The following KLHL1 variants were observed in gnomAD, a reference collection of about 807,000 sequenced individuals.
KLHL1 encodes the protein kelch like family member 1, also known as kelch-like protein 1.
A neutral mutation model predicts 77.7 loss-of-function variants in KLHL1; 47 were observed. That is an observed-to-expected ratio of 0.60 (90% CI 0.48 to 0.77). KLHL1 has a LOEUF of 0.77. Ranked by LOEUF, KLHL1 falls within the 30% of genes least tolerant of loss-of-function variation. The pLI, the probability that KLHL1 is intolerant of heterozygous loss-of-function variation, is 0.00. For synonymous variants in KLHL1, 360 were observed against 325.2 expected (o/e 1.11, Z -1.15); for missense variants, 925 against 910.8 (o/e 1.02, Z -0.20).
chr13:69,727,471 A>G (rs758144398), intron 8 of KLHL1, among the ~76,000 whole-genome samples: 9 of 152,124 alleles, frequency 5.9e-5, no homozygotes, highest in Non-Finnish European at 1.3e-4. Context: ...TGAAAAGGCA[A>G]AGGGGTGTGG....
In KLHL1 at chr13:69,831,370, A is replaced by C. The variant is rs1878755283; in HGVS notation, c.1414+7606T>G. ...AGCAGATTTGGATAAATTCCTGGAA[A>C]TATACCACTGTCCTATATTAAACCA... On this transcript the variant is annotated intron_variant, in intron 6 of 10. Transcript: ENST00000377844. Among the ~76,000 whole-genome samples, 2 of 150,110 alleles carry C rather than the reference A, an allele frequency of 1.3e-5. 1 individual carries two copies. The highest frequency in any genetic ancestry group is 3.0e-5 in the Non-Finnish European group (2 of 67,762).
chr13:69,805,689 A>G (rs1458987084), intron 6 of KLHL1, among the ~76,000 whole-genome samples: 1 of 150,988 alleles, frequency 6.6e-6, no homozygotes, highest in Non-Finnish European at 1.5e-5. Context: ...GATGAAAAAA[A>G]ACAAAAAAAA....
Position 70,087,634 on chromosome 13 carries a change from A to G in KLHL1, c.497+19569T>C, listed in dbSNP as rs1887577534. ...CTTTCTCTTGGCCCAGCAAACACAA[A>G]GTCCACTGTTTCTTTTCAGATATCC... On this transcript the variant is annotated intron_variant, in intron 1 of 10. Transcript: ENST00000377844. 4.6e-5 allele frequency among the ~76,000 whole-genome samples: 7 copies of G among 151,708 alleles called. No homozygotes were observed. The South Asian group carries it at 1.4e-3, about 31-fold the overall frequency.
At chr13:69,770,297 G>A (rs1210143365) in intron 7 of KLHL1, among the ~76,000 whole-genome samples, 3 of 152,222 alleles carry the variant, frequency 2.0e-5, no homozygotes, top group Admixed American at 6.5e-5. Flanking sequence ...GCCAAGTGCA[G>A]CCTGCTGGCC....
At chr13:69,833,323 C>T (rs1361575455) in intron 6 of KLHL1, among the ~76,000 whole-genome samples, 1 of 151,698 alleles carries the variant, frequency 6.6e-6, no homozygotes, top group African/African-American at 2.4e-5. Flanking sequence ...TTCAAAAGAA[C>T]ATAAATAAAT....
chr13:69,720,267 G>A (rs923021330), intron 8 of KLHL1, among the ~76,000 whole-genome samples: 1 of 151,256 alleles, frequency 6.6e-6, no homozygotes, highest in African/African-American at 2.4e-5. Flanking sequence ...ATCATAAATG[G>A]TACTAACATG....
chr13:69,793,288 T>G (rs1344502867), intron 7 of KLHL1, among the ~76,000 whole-genome samples: 2 of 152,034 alleles, frequency 1.3e-5, no homozygotes, highest in Non-Finnish European at 2.9e-5. Flanking sequence ...AAATAAAAAT[T>G]TGTAGCATAC....
intron 1 of KLHL1, among the ~76,000 whole-genome samples, chr13:70,059,250 C>T (rs1001993610): frequency 2.6e-5 from 4 of 151,534 alleles, no homozygotes; most frequent in Non-Finnish European, 5.9e-5. Context: ...CCTCTGCCTA[C>T]TGGGTTCAAA....
In KLHL1 at chr13:70,031,940, A is replaced by C. The variant is rs554202919; in HGVS notation, c.498-56138T>G. Among the ~76,000 whole-genome samples, 3 of 152,286 alleles carry C rather than the reference A, an allele frequency of 2.0e-5. No individual in the cohort carries two copies. The East Asian group carries it at 5.8e-4, about 29-fold the overall frequency. Reference sequence around the variant, plus strand: ...GTCAAAGTACCTAGAGTTTCCAGGGAGAGAAAGATGTGTAGAGAAGAAAGA... The same window carrying C: ...GTCAAAGTACCTAGAGTTTCCAGGGCGAGAAAGATGTGTAGAGAAGAAAGA... On this transcript the variant is annotated intron_variant, in intron 1 of 10. Transcript: ENST00000377844.
chr13:69,785,871 A>G (rs1448288016), intron 7 of KLHL1, among the ~76,000 whole-genome samples: 1 of 152,158 alleles, frequency 6.6e-6, no homozygotes, highest in Admixed American at 6.5e-5. Context: ...AGAGAATACT[A>G]CAAACACATC....
intron 5 of KLHL1, among the ~76,000 whole-genome samples, chr13:69,880,826 C>G (rs1880960468): frequency 6.6e-6 from 1 of 152,084 alleles, no homozygotes; most frequent in Non-Finnish European, 1.5e-5. Flanking sequence ...TTCCAAACTC[C>G]CCACATTTCA....
intron 7 of KLHL1, among the ~76,000 whole-genome samples, chr13:69,779,287 T>C (rs1436157624): frequency 2.0e-5 from 3 of 152,098 alleles, no homozygotes; most frequent in Non-Finnish European, 4.4e-5. Context: ...TTTTACAATT[T>C]ATAAATCAGA....
intron 7 of KLHL1, among the ~76,000 whole-genome samples, chr13:69,791,378 A>G (rs1178631667): frequency 2.6e-5 from 4 of 152,136 alleles, no homozygotes; most frequent in Admixed American, 2.0e-4. Flanking sequence ...CTGGAGATTC[A>G]ATGCAATCAA....
At chr13:69,812,586 C>T (rs1300176615) in intron 6 of KLHL1, among the ~76,000 whole-genome samples, 1 of 151,934 alleles carries the variant, frequency 6.6e-6, no homozygotes. Flanking sequence ...TGACAAAGGG[C>T]TAATATCCAG....
chr13:70,038,206 C>T (rs563156771), intron 1 of KLHL1, among the ~76,000 whole-genome samples: 1 of 152,304 alleles, frequency 6.6e-6, no homozygotes, highest in African/African-American at 2.4e-5. Context: ...TTATGCCCTT[C>T]AGATCCATCC....
intron 1 of KLHL1, among the ~76,000 whole-genome samples, chr13:70,077,388 G>A (rs1887290293): frequency 6.6e-6 from 1 of 151,828 alleles, no homozygotes; most frequent in South Asian, 2.1e-4. Context: ...GACTGTCGCT[G>A]TAAGCCATTC....
chr13:70,044,280 T>C (rs1053589880), intron 1 of KLHL1, among the ~76,000 whole-genome samples: 1 of 152,208 alleles, frequency 6.6e-6, no homozygotes, highest in South Asian at 2.1e-4. Context: ...TTCTCAGTAA[T>C]TGACATTGCA....
chr13:69,861,803 AAAAAAT>A, intron 5 of KLHL1, among the ~76,000 whole-genome samples: 1 of 148,046 alleles, frequency 6.8e-6, no homozygotes, highest in African/African-American at 2.5e-5. Flanking sequence ...AAAAAAAAAA[AAAAAAT>A]ACAAAATTAG....
chr13:69,775,284 A>G (rs17085375), intron 7 of KLHL1, among the ~76,000 whole-genome samples: 34 of 151,834 alleles, frequency 2.2e-4, no homozygotes, highest in Non-Finnish European at 4.1e-4. Context: ...CAATTGTCAT[A>G]AAAAAAAGAG....
Sources: allele counts gnomAD v4.1 joint callset (sites outside exome capture counted in the v4.1 genomes callset), GRCh38; gene constraint gnomAD v4.1.1; transcripts MANE v1.5; gene names NCBI Gene and HGNC (gene_info 2026-07-23, HGNC 2026-07-21).